PDGFRA: variants seen among roughly 807,000 people sequenced by gnomAD.
The protein encoded by PDGFRA is platelet derived growth factor receptor alpha.
Under a neutral mutation model 121.5 loss-of-function variants are expected in PDGFRA, and 25 were observed. That is an observed-to-expected ratio of 0.21 (90% confidence interval 0.15 to 0.29). The LOEUF (loss-of-function observed/expected upper bound fraction) is 0.29, where lower values mean the gene tolerates loss of function less well. Ranked by LOEUF, PDGFRA falls within the 10% of genes least tolerant of loss-of-function variation. PDGFRA has a pLI of 1.00. For synonymous variants in PDGFRA, 463 were observed against 494.8 expected (o/e 0.94, Z 0.85); for missense variants, 1,008 against 1,345.1 (o/e 0.75, Z 3.92).
At chr4:54,240,965 T>C (rs575258179) in intron 1 of PDGFRA, among the ~76,000 whole-genome samples, 1 of 152,218 alleles carries the variant, frequency 6.6e-6, no homozygotes, top group Non-Finnish European at 1.5e-5. Context: ...TGTACATTTA[T>C]TATGTTATAT....
At chr4:54,248,390 A>G (rs913503936) in intron 1 of PDGFRA, among the ~76,000 whole-genome samples, 5 of 152,246 alleles carry the variant, frequency 3.3e-5, no homozygotes, top group African/African-American at 1.2e-4. Flanking sequence ...GGAACAGAAC[A>G]GAACCCTCAG....
Position 54,295,153 on chromosome 4 carries a change from GA to G in PDGFRA, c.3152del (p.Glu1051GlyfsTer22). On this transcript the variant is annotated frameshift_variant, in exon 23 of 23. Coordinates refer to ENST00000257290, the MANE Select transcript of PDGFRA (RefSeq NM_006206.6). LOFTEE classifies it high-confidence loss of function. Reference protein sequence around the residue: ...SSQTSEESAIETGSSSSTFIK... With the variant: ...SSQTSEESAIXTGSSSSTFIK... ...GCAGACCTCTGAAGAGAGTGCCATT[GA>G]GACGGGTTCCAGCAGTTCCACCTTC... 6.2e-7 allele frequency: 1 copy of G among 1,614,162 alleles called. No homozygotes were observed. The highest frequency in any genetic ancestry group is 8.5e-7 in the Non-Finnish European group (1 of 1,180,008).
intron 12 of PDGFRA, among the ~76,000 whole-genome samples, chr4:54,275,534 C>G (rs1401048077): frequency 6.6e-6 from 1 of 152,136 alleles, no homozygotes; most frequent in Non-Finnish European, 1.5e-5. Flanking sequence ...GGGAGTATTT[C>G]TTTTTTAAAT....
In PDGFRA at chr4:54,295,499, G is replaced by C. The variant is rs1182015874; in HGVS notation, c.*227G>C. ...AATGCCTCAGTAGCATCTCAGTGGT[G>C]TGTGAAGTTTGGAGATAGATGGATA... On this transcript the variant is annotated 3_prime_UTR_variant, in exon 23 of 23. Coordinates refer to ENST00000257290, the MANE Select transcript of PDGFRA (RefSeq NM_006206.6). 1 of 554,540 alleles carries C rather than the reference G, an allele frequency of 1.8e-6. No individual in the cohort carries two copies. The highest frequency in any genetic ancestry group is 3.1e-5 in the Admixed American group (1 of 32,346). 34.4% of individuals were successfully genotyped at this position (554,540 alleles called of 1,614,324 possible).
chr4:54,297,986 T>C lies in PDGFRA; in HGVS notation c.*2714T>C, dbSNP rs1724959761. ...CAAGCTGTATCACTGCCTTCGTTTA[T>C]ATTTTTTTAACTGTGATAATCCCCA... On this transcript the variant is annotated 3_prime_UTR_variant, in exon 23 of 23. Coordinates refer to ENST00000257290, the MANE Select transcript of PDGFRA (RefSeq NM_006206.6). The C allele has an allele frequency of 4.3e-6, 1 of 231,718 alleles. No homozygotes were observed. Among genetic ancestry groups the C allele is most frequent in the South Asian group, 1.8e-4 (1 of 5,522 alleles). The allele number at this position is 231,718 out of a possible 1,614,324, so 14.4% of individuals were successfully genotyped here.
chr4:54,278,912 A>G, intron 15 of PDGFRA: 1 of 462,372 alleles, frequency 2.2e-6, no homozygotes, highest in East Asian at 6.8e-5. Context: ...CCTATAAATG[A>G]CGTCAATGAT....
chr4:54,279,105 G>A (rs1723924863), intron 15 of PDGFRA: 10 of 292,614 alleles, frequency 3.4e-5, no homozygotes, highest in South Asian at 3.0e-4. Flanking sequence ...CACGGCTCAA[G>A]TTCCAACCAA....
intron 22 of PDGFRA, among the ~76,000 whole-genome samples, chr4:54,291,558 C>T (rs562579746): frequency 6.6e-6 from 1 of 152,112 alleles, no homozygotes; most frequent in Non-Finnish European, 1.5e-5. Context: ...TAGAGAAATG[C>T]AAATCAGAAC....
intron 18 of PDGFRA, among the ~76,000 whole-genome samples, chr4:54,286,351 A>C: frequency 8.8e-6 from 1 of 114,002 alleles, no homozygotes; most frequent in Non-Finnish European, 1.8e-5. Flanking sequence ...TTATTTATTT[A>C]TTTATTTATT....
chr4:54,281,788 TGG>T, intron 16 of PDGFRA: 1 of 1,313,834 alleles, frequency 7.6e-7, no homozygotes, highest in South Asian at 1.4e-5. Context: ...TCGAAAACCC[TGG>T]GACCCTTCCA....
chr4:54,284,214 G>T (rs1044232074), intron 16 of PDGFRA, among the ~76,000 whole-genome samples: 3 of 152,020 alleles, frequency 2.0e-5, no homozygotes, highest in Admixed American at 6.5e-5. Context: ...TCAGCATTTT[G>T]GTCACAAGCA....
intron 1 of PDGFRA, among the ~76,000 whole-genome samples, chr4:54,253,527 T>C (rs1251854738): frequency 6.6e-6 from 1 of 152,340 alleles, no homozygotes; most frequent in Non-Finnish European, 1.5e-5. Context: ...TCTCAGTTTG[T>C]TTCTCTAAGT....
chr4:54,288,125 T>C (rs777315419), intron 19 of PDGFRA, among the ~76,000 whole-genome samples: 3 of 152,040 alleles, frequency 2.0e-5, no homozygotes, highest in Non-Finnish European at 4.4e-5. Context: ...GGATAAACAG[T>C]GTGCTGCTGA....
At chr4:54,234,276 C>T (rs373157536) in intron 1 of PDGFRA, among the ~76,000 whole-genome samples, 2 of 152,176 alleles carry the variant, frequency 1.3e-5, no homozygotes, top group African/African-American at 4.8e-5. Flanking sequence ...TTAAACCCCG[C>T]GGGCTTTCAA....
intron 9 of PDGFRA, 61 bp from the exon 10 acceptor site, chr4:54,273,476 C>A: frequency 7.5e-7 from 1 of 1,330,392 alleles, no homozygotes. Flanking sequence ...GTTCCCGTGG[C>A]TCCACTCATT....
chr4:54,237,176 G>A (rs1196598125), intron 1 of PDGFRA, among the ~76,000 whole-genome samples: 1 of 152,160 alleles, frequency 6.6e-6, no homozygotes, highest in Non-Finnish European at 1.5e-5. Flanking sequence ...CATCATGTCG[G>A]CCAGGATGGT....
chr4:54,258,871 G>A (rs1577701827), intron 2 of PDGFRA, 54 bp downstream of exon 2: 1 of 1,409,218 alleles, frequency 7.1e-7, no homozygotes, highest in East Asian at 2.3e-5. Context: ...GTTTTTTTAA[G>A]CTTTGTGCTG....
chr4:54,278,498 T>G lies in PDGFRA; in HGVS notation c.2139T>G (p.Ala713=). ...KELDIFGLNP[A]DESTRSYVIL... ...TGGATATCTTTGGATTGAACCCTGCTGATGAAAGCACACGGAGGTGGGTGC... is the reference window on the plus strand; with the variant it reads ...TGGATATCTTTGGATTGAACCCTGCGGATGAAAGCACACGGAGGTGGGTGC... Residue 713 remains alanine (A), a synonymous_variant, in exon 15 of 23, where the codon GCT becomes GCG. Coordinates refer to ENST00000257290, the MANE Select transcript of PDGFRA (RefSeq NM_006206.6). The G allele has an allele frequency of 6.2e-7, 1 of 1,614,082 alleles. No individual in the cohort carries two copies. The highest frequency in any genetic ancestry group is 8.5e-7 in the Non-Finnish European group (1 of 1,179,986).
Position 54,295,971 on chromosome 4 carries a change from G to A in PDGFRA, c.*699G>A. The A allele has an allele frequency of 4.3e-6, 1 of 232,776 alleles. No homozygotes were observed. Among genetic ancestry groups the A allele is most frequent in the Non-Finnish European group, 8.5e-6 (1 of 117,574 alleles). The allele number at this position is 232,776 out of a possible 1,614,324, so 14.4% of individuals were successfully genotyped here. A position where few individuals can be genotyped will look rare whatever the true frequency, so the allele number is the denominator to read the frequency against. On this transcript the variant is annotated 3_prime_UTR_variant, in exon 23 of 23. Coordinates refer to ENST00000257290, the MANE Select transcript of PDGFRA (RefSeq NM_006206.6). ...TCAGTAATGCTAAATGTGTAATAATGTAACATGATTTCCCTCCAGAGAAAG... is the reference window on the plus strand; with the variant it reads ...TCAGTAATGCTAAATGTGTAATAATATAACATGATTTCCCTCCAGAGAAAG...
Sources: allele counts gnomAD v4.1 joint callset (sites outside exome capture counted in the v4.1 genomes callset), GRCh38; gene constraint gnomAD v4.1.1; transcripts MANE v1.5; gene names NCBI Gene and HGNC (gene_info 2026-07-23, HGNC 2026-07-21).